Variants in ARHGEF9 observed in about 807,000 individuals in gnomAD.
The protein encoded by ARHGEF9 is Cdc42 guanine nucleotide exchange factor 9, also known as rho guanine nucleotide exchange factor 9.
ARHGEF9 carries 2 observed loss-of-function variants against 41.3 expected under a neutral mutation model. That is an observed-to-expected ratio of 0.05 (90% confidence interval 0.02 to 0.15). The LOEUF is 0.15. ARHGEF9 is among the 10% of genes least tolerant of loss of function. ARHGEF9 has a pLI of 1.00. For synonymous variants in ARHGEF9, 160 were observed against 154.4 expected, an observed-to-expected ratio of 1.04 and a Z score of -0.27; for missense variants, 225 against 424.7, an observed-to-expected ratio of 0.53 and a Z score of 4.13.
At chrX:63,736,747 A>G (rs1358849545) in intron 1 of ARHGEF9, among the ~76,000 whole-genome samples, 1 of 112,185 alleles carries the variant, frequency 8.9e-6, no homozygotes, top group African/African-American at 3.2e-5. Flanking sequence ...GTGAAATGAC[A>G]GATATGCTTC....
chrX:63,698,138 TATC>T (rs1556391058), intron 3 of ARHGEF9, among the ~76,000 whole-genome samples: 1 of 106,268 alleles, frequency 9.4e-6, no homozygotes, highest in Non-Finnish European at 1.9e-5. Flanking sequence ...TTTATAAATA[TATC>T]ATATATATAT....
intron 8 of ARHGEF9, among the ~76,000 whole-genome samples, chrX:63,649,992 G>T (rs1378073671): frequency 9.0e-6 from 1 of 111,620 alleles, no homozygotes; most frequent in East Asian, 2.8e-4. Context: ...GTAGGAAAAA[G>T]AAGGAAATAA....
intron 1 of ARHGEF9, chrX:63,754,838 G>A (rs2055865441): frequency 1.1e-6 from 1 of 940,060 alleles, no homozygotes. Flanking sequence ...AGCTTGCGCT[G>A]AAGTCGGCAG....
At chrX:63,668,010 TAAG>T (rs2049688773) in intron 6 of ARHGEF9, among the ~76,000 whole-genome samples, 1 of 111,631 alleles carries the variant, frequency 9.0e-6, no homozygotes, top group Non-Finnish European at 1.9e-5. Flanking sequence ...GCCAATGCCA[TAAG>T]AAGATGGTCA....
chrX:63,727,802 A>G (rs1313205520), intron 1 of ARHGEF9, among the ~76,000 whole-genome samples: 3 of 112,384 alleles, frequency 2.7e-5, no homozygotes, highest in Non-Finnish European at 5.6e-5. Context: ...CCTTTAAGGA[A>G]AAACTATTAC....
At chrX:63,744,527 C>G (rs1299581853) in intron 1 of ARHGEF9, among the ~76,000 whole-genome samples, 6 of 112,320 alleles carry the variant, frequency 5.3e-5, no homozygotes, top group Admixed American at 1.9e-4. Flanking sequence ...ACTTCCAGAG[C>G]TGAAGCCCAG....
chrX:63,669,073 G>A (rs2049773949), intron 6 of ARHGEF9, among the ~76,000 whole-genome samples: 1 of 112,457 alleles, frequency 8.9e-6, no homozygotes, highest in South Asian at 3.7e-4. Context: ...CATTTGTAGA[G>A]GGGGAATATT....
chrX:63,681,936 G>C (rs2050648668), intron 4 of ARHGEF9, among the ~76,000 whole-genome samples: 1 of 110,346 alleles, frequency 9.1e-6, no homozygotes, highest in African/African-American at 3.3e-5. Flanking sequence ...CAGAGGAAAT[G>C]AATATATTCC....
At chrX:63,689,082 C>T in intron 4 of ARHGEF9, among the ~76,000 whole-genome samples, 1 of 110,909 alleles carries the variant, frequency 9.0e-6, no homozygotes, top group Admixed American at 9.6e-5. Flanking sequence ...ACAGGAGTTA[C>T]AAAACAATCA....
At chrX:63,766,915 G>T in intron 1 of ARHGEF9, 1 of 418,176 alleles carries the variant, frequency 2.4e-6, no homozygotes. Flanking sequence ...CCACCAAACT[G>T]CAGGAAAGGA....
intron 1 of ARHGEF9, among the ~76,000 whole-genome samples, chrX:63,779,390 A>G (rs2056345256): frequency 1.8e-5 from 2 of 112,349 alleles, no homozygotes; most frequent in Non-Finnish European, 3.8e-5. Context: ...GAGCACAGGC[A>G]CATCTTACAT....
chrX:63,765,774 T>A (rs1397843399), intron 1 of ARHGEF9, among the ~76,000 whole-genome samples: 1 of 112,215 alleles, frequency 8.9e-6, no homozygotes, highest in Non-Finnish European at 1.9e-5. Context: ...GAGTGAAGCC[T>A]AGAACCTGAG....
chrX:63,659,041 A>G (rs1556339055), intron 7 of ARHGEF9, among the ~76,000 whole-genome samples: 1 of 112,408 alleles, frequency 8.9e-6, no homozygotes, highest in East Asian at 2.8e-4. Flanking sequence ...TCTGACACCA[A>G]TTGTGAAGGC....
In ARHGEF9 at chrX:63,724,701, C is replaced by G; in HGVS notation, c.41G>C (p.Gly14Ala). 8.3e-7 allele frequency: 1 copy of G among 1,211,272 alleles called. No individual in the cohort carries two copies. The highest frequency in any genetic ancestry group is 1.1e-6 in the Non-Finnish European group (1 of 895,242). Residue 14 changes from glycine to alanine, a missense_variant, in exon 2 of 10, where the codon GGA becomes GCA. Gly to Ala is a moderately conservative substitution (Grantham distance 60). Transcript: ENST00000671741. Reference protein sequence around the residue: ...IRGGSGMLITGDSIVSAEAVW... With the variant: ...IRGGSGMLITADSIVSAEAVW... Reference sequence around the variant, plus strand: ...TGCCTCAGCACTAACGATGGAATCTCCAGTGATCAGCTTAGGAGACAAAAT... The same window carrying G: ...TGCCTCAGCACTAACGATGGAATCTGCAGTGATCAGCTTAGGAGACAAAAT...
intron 1 of ARHGEF9, among the ~76,000 whole-genome samples, chrX:63,735,252 G>A (rs547375517): frequency 4.5e-5 from 5 of 111,660 alleles, no homozygotes; most frequent in South Asian, 3.8e-4. Flanking sequence ...TCATGTAGTC[G>A]CCTTAGGACC....
At chrX:63,782,420 G>A (rs782687913) in intron 1 of ARHGEF9, among the ~76,000 whole-genome samples, 52 of 112,010 alleles carry the variant, frequency 4.6e-4, no homozygotes, top group Non-Finnish European at 8.5e-4. Context: ...TCCAATTTAG[G>A]CATACTGGCT....
intron 1 of ARHGEF9, among the ~76,000 whole-genome samples, chrX:63,775,242 T>C (rs2056273082): frequency 8.9e-6 from 1 of 112,651 alleles, no homozygotes; most frequent in East Asian, 2.8e-4. Context: ...TGTAAACTAG[T>C]TAAGCCACTG....
chrX:63,760,539 A>G (rs2056016229), intron 1 of ARHGEF9, among the ~76,000 whole-genome samples: 2 of 112,015 alleles, frequency 1.8e-5, no homozygotes, highest in Admixed American at 9.5e-5. Flanking sequence ...AGTGATGCAC[A>G]TAATTTCAAT....
intron 7 of ARHGEF9, among the ~76,000 whole-genome samples, chrX:63,663,926 GA>G (rs1243313468): frequency 4.5e-5 from 5 of 112,194 alleles, no homozygotes; most frequent in African/African-American, 1.6e-4. Flanking sequence ...CCAGTGTCAA[GA>G]ACACCCAGGT....
Sources: gnomAD v4.1 joint callset for allele counts (sites outside exome capture counted in the v4.1 genomes callset) on GRCh38, gnomAD v4.1.1 for gene constraint, MANE v1.5 for transcripts, NCBI Gene and HGNC (gene_info 2026-07-23, HGNC 2026-07-21) for gene names.